The following TRMT1L variants were observed in gnomAD, a reference collection of about 807,000 sequenced individuals.
TRMT1L encodes tRNA (guanine(27)-N(2))-dimethyltransferase.
In TRMT1L, 28 loss-of-function variants were observed where a neutral mutation model predicts 81.6. That is an observed-to-expected ratio of 0.34 (90% CI 0.25 to 0.47). The LOEUF (loss-of-function observed/expected upper bound fraction) is 0.47, where lower values mean the gene tolerates loss of function less well. Among genes scored for constraint, TRMT1L ranks in the 20% least tolerant of loss-of-function variants. The pLI, the probability that TRMT1L is intolerant of heterozygous loss-of-function variation, is 1.00. For synonymous variants in TRMT1L, 301 were observed against 303.2 expected (o/e 0.99, Z 0.07); for missense variants, 739 against 877.1 (o/e 0.84, Z 1.99).
intron 13 of TRMT1L, 63 bp downstream of exon 13, chr1:185,123,794 C>T: frequency 1.0e-6 from 1 of 975,232 alleles, no homozygotes; most frequent in Non-Finnish European, 1.5e-6. Flanking sequence ...CTCTTCCTAC[C>T]CTTTTGCTAT....
At chr1:185,134,752 T>A (rs1212196647) in intron 10 of TRMT1L, among the ~76,000 whole-genome samples, 1 of 152,248 alleles carries the variant, frequency 6.6e-6, no homozygotes, top group Non-Finnish European at 1.5e-5. Context: ...CTATTGGACA[T>A]GCTTTGGGCA....
rs746269428 is a variant in TRMT1L at position 185,156,664 on chromosome 1, C to T, written c.49G>A (p.Val17Met). 1.2e-5 allele frequency: 19 copies of T among 1,611,840 alleles called. No homozygotes were observed. Among genetic ancestry groups the T allele is most frequent in the Non-Finnish European group, 1.5e-5 (18 of 1,179,440 alleles). The change falls in exon 1 of 15, where the codon GTG becomes ATG. Residue 17 changes from valine (V) to methionine (M), a missense_variant. Val to Met is a conservative substitution (Grantham distance 21). This residue lies in a region of TRMT1L where 209 missense variants were observed against 165.4 expected (regional missense o/e 1.26). Coordinates refer to ENST00000367506, the MANE Select transcript of TRMT1L (RefSeq NM_030934.5). ...EELLPLEKEE[V>M]EVAQVQVPTP... ...GGGACCTGGACCTGGGCCACCTCCA[C>T]CTCCTCCTTCTCCAGGGGCAGCAGC... is the stretch of plus-strand genomic sequence containing the variant.
chr1:185,149,195 C>T (rs982718087), intron 3 of TRMT1L, among the ~76,000 whole-genome samples: 9 of 151,978 alleles, frequency 5.9e-5, no homozygotes, highest in Admixed American at 1.3e-4. Context: ...TATGTATATA[C>T]CATAATTTAT....
rs924652516 is a variant in TRMT1L at position 185,137,380 on chromosome 1, T to C, written c.1513+226A>G. 29 of 621,260 alleles carry C rather than the reference T, an allele frequency of 4.7e-5. 1 individual carries two copies. The highest frequency in any genetic ancestry group is 1.8e-4 in the Admixed American group (7 of 37,956). 38.5% of individuals were successfully genotyped at this position (621,260 alleles called of 1,614,324 possible). A position where few individuals can be genotyped will look rare whatever the true frequency, so the allele number is the denominator to read the frequency against. ...ACTAAGTTATTTCTAGATGTTTCGA[T>C]AGAAGGCAGAGCTAGAAAGCATATA... On this transcript the variant is annotated intron_variant, in intron 10 of 14. Transcript: ENST00000367506.
chr1:185,146,301 G>A lies in TRMT1L; in HGVS notation c.526-733C>T, dbSNP rs139311539. ...GAATGTTAGAGACATAATTAGAAGC[G>A]TACTTATCCGAGTAAAAAAATTTTC... On this transcript the variant is annotated intron_variant, in intron 4 of 14. Transcript: ENST00000367506. 4.2e-3 allele frequency among the ~76,000 whole-genome samples: 643 copies of A among 152,056 alleles called. 5 individuals are homozygous for A. The highest frequency in any genetic ancestry group is 0.015 in the African/African-American group (612 of 41,524).
At position 185,119,681 on chromosome 1, in the gene TRMT1L, A is replaced by AGAATT. The variant is rs1233972738; in HGVS notation, c.*333_*337dup. 1 of 193,596 alleles carries AGAATT rather than the reference A, an allele frequency of 5.2e-6. No homozygotes were observed. Among genetic ancestry groups the AGAATT allele is most frequent in the Non-Finnish European group, 1.1e-5 (1 of 93,730 alleles). 12.0% of individuals were successfully genotyped at this position (193,596 alleles called of 1,614,324 possible). A position where few individuals can be genotyped will look rare whatever the true frequency, so the allele number is the denominator to read the frequency against. On this transcript the variant is annotated 3_prime_UTR_variant, in exon 15 of 15. Transcript: ENST00000367506. ...ATCAGTTTAGGCAGAGATGTGATTA[A>AGAATT]GAATTGTAAAAGATGGCTTTCATAA...
At chr1:185,147,683 A>G (rs556147552) in intron 3 of TRMT1L, among the ~76,000 whole-genome samples, 69 of 152,156 alleles carry the variant, frequency 4.5e-4, no homozygotes, top group African/African-American at 1.6e-3. Flanking sequence ...ACCTTTCTTC[A>G]TCTTCTTTAC....
rs768613869 is a variant in TRMT1L at position 185,143,363 on chromosome 1, C to T, written c.853G>A (p.Ala285Thr). 2 of 1,600,626 alleles carry T rather than the reference C, an allele frequency of 1.2e-6. No individual in the cohort carries two copies. The highest frequency in any genetic ancestry group is 1.3e-5 in the African/African-American group (1 of 74,126). The change falls in exon 7 of 15, where the codon GCC becomes ACC. Residue 285 changes from alanine (A) to threonine (T), a missense_variant. Physicochemically the swap from Ala to Thr is moderately conservative, Grantham distance 58. Around this residue, in one of 4 missense-constraint regions of TRMT1L, gnomAD observed 331 missense variants for 462.2 expected, o/e 0.72. Coordinates refer to ENST00000367506, the MANE Select transcript of TRMT1L (RefSeq NM_030934.5). ...KPLECLDAFG[A>T]TGIMGLQWAK... ...AAAAAGTGTCCTCACTTACCAGTGGCTCCAAAAGCATCTAGACATTCCAAA... is the reference window on the plus strand; with the variant it reads ...AAAAAGTGTCCTCACTTACCAGTGGTTCCAAAAGCATCTAGACATTCCAAA...
chr1:185,146,559 A>G (rs1381602461), intron 4 of TRMT1L, among the ~76,000 whole-genome samples: 2 of 152,032 alleles, frequency 1.3e-5, no homozygotes, highest in Non-Finnish European at 2.9e-5. Flanking sequence ...TACTTACAGA[A>G]TATTTTCTTT....
At chr1:185,143,554 G>T in intron 6 of TRMT1L, 118 bp from the exon 7 acceptor site, 1 of 811,062 alleles carries the variant, frequency 1.2e-6, no homozygotes, top group East Asian at 2.8e-5. Context: ...TTCAAAAGGA[G>T]ACCTGAAAAC....
intron 1 of TRMT1L, among the ~76,000 whole-genome samples, chr1:185,153,974 A>G (rs1440300535): frequency 3.3e-5 from 5 of 152,240 alleles, no homozygotes; most frequent in Admixed American, 3.3e-4. Context: ...TTCCCCACAA[A>G]TAATCAACAG....
Position 185,125,074 on chromosome 1 carries a change from T to C in TRMT1L, c.1629A>G (p.Arg543=). 6.2e-7 allele frequency: 1 copy of C among 1,611,750 alleles called. No individual in the cohort carries two copies. The highest frequency in any genetic ancestry group is 8.5e-7 in the Non-Finnish European group (1 of 1,178,662). ...CATGGTGAAGAGATTCAAATAGCAT[T>C]CTTTTGAGGAATCCAGTATTGAAAA... ...SSLFNTGFLK[R]MLFESLHHGL... The change falls in exon 12 of 15, where the codon AGA becomes AGG. Residue 543 remains arginine (R), a synonymous_variant. Transcript: ENST00000367506.
intron 2 of TRMT1L, among the ~76,000 whole-genome samples, chr1:185,151,382 C>T (rs192188746): frequency 1.1e-4 from 17 of 152,192 alleles, no homozygotes; most frequent in East Asian, 3.9e-4. Flanking sequence ...ACGCAGTCAG[C>T]GATCTTGAGG....
intron 13 of TRMT1L, among the ~76,000 whole-genome samples, chr1:185,122,393 A>T (rs1652521431): frequency 6.6e-6 from 1 of 152,100 alleles, no homozygotes; most frequent in Non-Finnish European, 1.5e-5. Flanking sequence ...AATTTCCTTA[A>T]TTTACTTATG....
At chr1:185,145,116 G>T (rs1225932657) in intron 5 of TRMT1L, among the ~76,000 whole-genome samples, 1 of 151,566 alleles carries the variant, frequency 6.6e-6, no homozygotes, top group African/African-American at 2.4e-5. Flanking sequence ...TTTTTCTAGT[G>T]TTTTCCAACA....
At position 185,120,139 on chromosome 1, in the gene TRMT1L, G is replaced by A. The variant is rs1377975233; in HGVS notation, c.2082C>T (p.Pro694=). The change falls in exon 15 of 15, where the codon CCC becomes CCT. Residue 694 remains proline, a synonymous_variant. Transcript: ENST00000367506. The part of the protein sequence containing the change: ...FKSILLKYST[P]TYTGGQSESH... Reference sequence around the variant, plus strand: ...TTTCTGACTGTCCTCCAGTGTAGGTGGGGGTGCTGTACTTTAAAAGGATAG... The same window carrying A: ...TTTCTGACTGTCCTCCAGTGTAGGTAGGGGTGCTGTACTTTAAAAGGATAG... 2 of 1,613,926 alleles carry A rather than the reference G, an allele frequency of 1.2e-6. No individual in the cohort carries two copies. Among genetic ancestry groups the A allele is most frequent in the African/African-American group, 1.3e-5 (1 of 74,964 alleles).
chr1:185,129,979 T>A (rs1053209529), intron 10 of TRMT1L, among the ~76,000 whole-genome samples: 1 of 152,236 alleles, frequency 6.6e-6, no homozygotes, highest in East Asian at 1.9e-4. Context: ...AGTATAGTTC[T>A]GTCAGCTACA....
At chr1:185,147,115 A>G in intron 4 of TRMT1L, 67 bp downstream of exon 4, 7 of 1,107,938 alleles carry the variant, frequency 6.3e-6, no homozygotes, top group Non-Finnish European at 9.3e-6. Context: ...GTTTCACAGT[A>G]AGTAAAAATT....
chr1:185,155,929 C>T (rs1334952695), intron 1 of TRMT1L, among the ~76,000 whole-genome samples: 1 of 152,202 alleles, frequency 6.6e-6, no homozygotes. Context: ...TAAACTACTA[C>T]TCAGCCTCAA....
Sources: allele counts gnomAD v4.1 joint callset (sites outside exome capture counted in the v4.1 genomes callset), GRCh38; gene constraint gnomAD v4.1.1; regional missense constraint gnomAD v4.1.1; transcripts MANE v1.5; gene names NCBI Gene and HGNC (gene_info 2026-07-23, HGNC 2026-07-21).